The following EIPR1 variants were observed in gnomAD, a reference collection of about 807,000 sequenced individuals.
EIPR1 encodes EARP and GARP complex-interacting protein 1.
A neutral mutation model predicts 48.1 loss-of-function variants in EIPR1; 25 were observed. The ratio of observed to expected loss-of-function variants is 0.52; its 90% confidence interval spans 0.38 to 0.73. The LOEUF (loss-of-function observed/expected upper bound fraction) is 0.73, where lower values mean the gene tolerates loss of function less well. Ranked by LOEUF, EIPR1 falls within the 30% of genes least tolerant of loss-of-function variation. The pLI, the probability that EIPR1 is intolerant of heterozygous loss-of-function variation, is 0.00. For synonymous variants in EIPR1, 204 were observed against 201.9 expected (o/e 1.01, Z -0.09); for missense variants, 415 against 506.2 (o/e 0.82, Z 1.73).
At chr2:3,332,091 A>G (rs1166229326) in intron 3 of EIPR1, among the ~76,000 whole-genome samples, 2 of 151,974 alleles carry the variant, frequency 1.3e-5, no homozygotes, top group Non-Finnish European at 2.9e-5. Flanking sequence ...GTGTGTATAC[A>G]CTCATGAGAT....
rs575359557 is a variant in EIPR1 at position 3,373,182 on chromosome 2, G to C, written c.42+4466C>G. On this transcript the variant is annotated intron_variant, in intron 1 of 8. Coordinates refer to ENST00000382125, the MANE Select transcript of EIPR1 (RefSeq NM_003310.5). ...AAGGCCTTTGACAAAATTCAACAAC[G>C]CTTCATGCTAAAAACTCTCAATAAA... 7.9e-3 allele frequency among the ~76,000 whole-genome samples: 1,197 copies of C among 151,374 alleles called. 97 individuals carry two copies. In the East Asian group the frequency reaches 0.18, roughly 23 times the overall value.
chr2:3,300,988 A>G (rs1173350941), intron 3 of EIPR1: 1 of 152,206 alleles, frequency 6.6e-6, no homozygotes, highest in African/African-American at 2.4e-5. Context: ...AATGAAAAAG[A>G]TGATTCATAG....
chr2:3,234,349 T>C (rs1405244490), intron 4 of EIPR1, among the ~76,000 whole-genome samples: 1 of 152,198 alleles, frequency 6.6e-6, no homozygotes, highest in East Asian at 1.9e-4. Flanking sequence ...CCACTCAGAA[T>C]TCCTTCTTGT....
intron 3 of EIPR1, among the ~76,000 whole-genome samples, chr2:3,296,450 T>C (rs1572410060): frequency 1.3e-5 from 1 of 75,814 alleles, no homozygotes; most frequent in Non-Finnish European, 2.5e-5. Context: ...ATCCAGCCCA[T>C]CCTCTCTCCA....
chr2:3,353,884 T>C (rs535125965), intron 2 of EIPR1, among the ~76,000 whole-genome samples: 2 of 152,318 alleles, frequency 1.3e-5, no homozygotes, highest in South Asian at 4.1e-4. Flanking sequence ...CCCTAGACCA[T>C]GTCTGACATG....
At chr2:3,239,324 A>G (rs1274563799) in intron 4 of EIPR1, among the ~76,000 whole-genome samples, 1 of 152,232 alleles carries the variant, frequency 6.6e-6, no homozygotes, top group African/African-American at 2.4e-5. Context: ...CAGAAGGGAG[A>G]GCAGATAAAA....
intron 2 of EIPR1, among the ~76,000 whole-genome samples, chr2:3,352,691 A>G (rs1670614914): frequency 6.6e-6 from 1 of 152,226 alleles, no homozygotes; most frequent in Non-Finnish European, 1.5e-5. Context: ...ATTATTGCAC[A>G]TCTTCTCAAG....
At position 3,267,191 on chromosome 2, in the gene EIPR1, G is replaced by A. The variant is rs546034749; in HGVS notation, c.260-9736C>T. Among the ~76,000 whole-genome samples, 204 of 152,318 alleles carry A rather than the reference G, an allele frequency of 1.3e-3. 2 individuals carry two copies. Among genetic ancestry groups the A allele is most frequent in the African/African-American group, 4.5e-3 (188 of 41,576 alleles). On this transcript the variant is annotated intron_variant, in intron 3 of 8. Transcript: ENST00000382125. ...TTTCTCCAATCCCTGTATGTGTGTT[G>A]GAATAGGCAGACCTAGCACTGGCAG...
intron 3 of EIPR1, among the ~76,000 whole-genome samples, chr2:3,304,579 TCCAA>T (rs1668859526): frequency 1.8e-4 from 1 of 5,680 alleles, no homozygotes; most frequent in African/African-American, 7.6e-4. Flanking sequence ...TGTTCAGCCC[TCCAA>T]TCCCGTCCAG....
chr2:3,351,149 T>C (rs13425349), intron 2 of EIPR1, among the ~76,000 whole-genome samples: 1,842 of 152,052 alleles, frequency 0.012, 37 homozygotes, highest in African/African-American at 0.043. Context: ...TACAGGTGCG[T>C]GCCACCACAC....
At chr2:3,303,227 G>T (rs1382940464) in intron 3 of EIPR1, among the ~76,000 whole-genome samples, 1 of 152,232 alleles carries the variant, frequency 6.6e-6, no homozygotes, top group Admixed American at 6.5e-5. Flanking sequence ...TCAACGTGAG[G>T]GGCTGGGTGG....
chr2:3,234,560 G>A (rs937118643), intron 4 of EIPR1, among the ~76,000 whole-genome samples: 1 of 152,246 alleles, frequency 6.6e-6, no homozygotes, highest in Non-Finnish European at 1.5e-5. Context: ...GGCTGCCAGA[G>A]CCCAGGGCCG....
intron 6 of EIPR1, among the ~76,000 whole-genome samples, chr2:3,196,280 G>A (rs978978469): frequency 6.6e-6 from 1 of 152,186 alleles, no homozygotes; most frequent in Non-Finnish European, 1.5e-5. Context: ...TGTGCTGAGG[G>A]GATAAACTGT....
At chr2:3,367,801 C>T (rs1009805445) in intron 1 of EIPR1, among the ~76,000 whole-genome samples, 3 of 152,286 alleles carry the variant, frequency 2.0e-5, no homozygotes, top group Non-Finnish European at 4.4e-5. Context: ...GTAATCCCAG[C>T]ACTTTGGGAG....
At chr2:3,313,178 A>C (rs1050757343) in intron 3 of EIPR1, among the ~76,000 whole-genome samples, 1 of 152,160 alleles carries the variant, frequency 6.6e-6, no homozygotes, top group African/African-American at 2.4e-5. Flanking sequence ...TGGGGGCCAG[A>C]CAGCCACCCA....
chr2:3,217,511 A>T (rs1159090932), intron 4 of EIPR1, among the ~76,000 whole-genome samples: 1 of 152,266 alleles, frequency 6.6e-6, no homozygotes, highest in East Asian at 1.9e-4. Context: ...AAATAAAAAC[A>T]TTAAAAAGAA....
At chr2:3,277,228 C>G (rs1476316519) in intron 3 of EIPR1, among the ~76,000 whole-genome samples, 1 of 151,904 alleles carries the variant, frequency 6.6e-6, no homozygotes, top group Middle Eastern at 3.2e-3. Flanking sequence ...CCGCACCTGT[C>G]TCCACCCACG....
At chr2:3,278,334 G>A (rs932320499) in intron 3 of EIPR1, among the ~76,000 whole-genome samples, 1 of 152,178 alleles carries the variant, frequency 6.6e-6, no homozygotes, top group African/African-American at 2.4e-5. Context: ...TTGGACCATG[G>A]GCCCCATGCT....
At chr2:3,354,529 A>G in intron 2 of EIPR1, 21 bp downstream of exon 2, 1 of 1,605,672 alleles carries the variant, frequency 6.2e-7, no homozygotes, top group Non-Finnish European at 8.5e-7. Context: ...TATCATGTAT[A>G]CATTTGTCAA....
Sources: gnomAD v4.1 joint callset for allele counts (sites outside exome capture counted in the v4.1 genomes callset) on GRCh38, gnomAD v4.1.1 for gene constraint, MANE v1.5 for transcripts, NCBI Gene and HGNC (gene_info 2026-07-23, HGNC 2026-07-21) for gene names.